RUNX1T1: variants seen among roughly 807,000 people sequenced by gnomAD.
RUNX1T1 encodes the protein protein CBFA2T1.
RUNX1T1 carries 4 observed loss-of-function variants against 62.8 expected under a neutral mutation model. The ratio of observed to expected loss-of-function variants is 0.06; its 90% CI spans 0.03 to 0.15. The LOEUF (loss-of-function observed/expected upper bound fraction) is 0.15, where lower values mean the gene tolerates loss of function less well. RUNX1T1 is among the 10% of genes least tolerant of loss of function. The pLI is 1.00. For missense variants in RUNX1T1, 508 were observed against 754.3 expected, an observed-to-expected ratio of 0.67 and a Z score of 3.82; for synonymous variants, 291 against 286.0, an observed-to-expected ratio of 1.02 and a Z score of -0.18.
intron 8 of RUNX1T1, among the ~76,000 whole-genome samples, chr8:91,978,697 A>G (rs188351927): frequency 6.6e-6 from 1 of 152,272 alleles, no homozygotes; most frequent in East Asian, 1.9e-4. Context: ...ACTTTCAAAA[A>G]TTTTACTTGA....
chr8:91,959,829 T>C (rs889701082), exon 11 of RUNX1T1: 2 of 280,878 alleles, frequency 7.1e-6, no homozygotes, highest in East Asian at 5.0e-5. Context: ...ATAAAGAACA[T>C]TGTGACTTTT....
In RUNX1T1 at chr8:92,012,325, C is replaced by T. The variant is rs2131109536; in HGVS notation, c.388-1234G>A. Reference sequence around the variant, plus strand: ...TTGGGAGGCCAAGGTGGGAGTGTCACTTGAGCCCAGGAGTTTGAGACCAGC... The same window carrying T: ...TTGGGAGGCCAAGGTGGGAGTGTCATTTGAGCCCAGGAGTTTGAGACCAGC... On this transcript the variant is annotated intron_variant, in intron 3 of 10. Transcript: ENST00000396218. Among the ~76,000 whole-genome samples the T allele has an allele frequency of 1.3e-5, 2 of 152,268 alleles. 1 individual carries two copies. The highest frequency in any genetic ancestry group is 4.1e-4 in the South Asian group (2 of 4,822).
chr8:91,977,192 C>T (rs2130718253), intron 8 of RUNX1T1: 1 of 197,832 alleles, frequency 5.1e-6, no homozygotes, highest in South Asian at 1.9e-4. Flanking sequence ...TAGATTTTCT[C>T]AACTATTCTG....
intron 5 of RUNX1T1, among the ~76,000 whole-genome samples, chr8:91,998,429 C>G (rs1169688014): frequency 6.6e-6 from 1 of 152,156 alleles, no homozygotes; most frequent in Non-Finnish European, 1.5e-5. Context: ...CACCTTTAAT[C>G]TCTCCATTGC....
Position 92,037,133 on chromosome 8 carries a change from A to G in RUNX1T1, c.8-19770T>C, listed in dbSNP as rs181131615. 2.1e-3 allele frequency among the ~76,000 whole-genome samples: 326 copies of G among 152,304 alleles called. 3 individuals carry two copies. The highest frequency in any genetic ancestry group is 3.0e-3 in the Non-Finnish European group (203 of 68,024). ...CTGGGTTGGGAGAATGGGCTACTGA[A>G]TCAGAATTACCTGAGAAATTCTGAA... On this transcript the variant is annotated intron_variant, in intron 1 of 10. Coordinates refer to ENST00000396218, the Ensembl canonical transcript of RUNX1T1.
At chr8:92,080,798 G>T (rs897501259) in intron 1 of RUNX1T1, among the ~76,000 whole-genome samples, 1 of 152,154 alleles carries the variant, frequency 6.6e-6, no homozygotes, top group African/African-American at 2.4e-5. Flanking sequence ...AATATGATCT[G>T]GTCTTTCTTC....
chr8:91,955,919 C>A (rs1809300236), downstream of RUNX1T1: 1 of 229,950 alleles, frequency 4.3e-6, no homozygotes, highest in Non-Finnish European at 8.6e-6. Context: ...AACTGGATGT[C>A]CCAGCAAGTT....
chr8:92,069,381 C>T (rs1833343789), intron 2 of RUNX1T1, among the ~76,000 whole-genome samples: 1 of 151,980 alleles, frequency 6.6e-6, no homozygotes, highest in South Asian at 2.1e-4. Context: ...TCAACAAAAT[C>T]CACCAGGTGG....
At chr8:92,036,221 A>C (rs1437683926) in intron 1 of RUNX1T1, among the ~76,000 whole-genome samples, 2 of 152,250 alleles carry the variant, frequency 1.3e-5, no homozygotes, top group African/African-American at 2.4e-5. Flanking sequence ...ATATAAATGA[A>C]AAATGTTGCT....
chr8:92,095,011 C>A lies in RUNX1T1; in HGVS notation c.-86+4569G>T, dbSNP rs1001707036. On this transcript the variant is annotated intron_variant, in intron 1 of 11. Transcript: ENST00000265814. ...AAACTAAACCCAATTAAAGATAAGG[C>A]CCTCCGGTATTCTCACCTCGGTGAG... The A allele has an allele frequency of 8.5e-6, 13 of 1,526,432 alleles. No individual in the cohort carries two copies. The African/African-American group carries it at 1.5e-4, about 18-fold the overall frequency. 94.6% of individuals were successfully genotyped at this position (1,526,432 alleles called of 1,614,324 possible).
At chr8:92,019,342 C>T (rs1823631453) in intron 1 of RUNX1T1, among the ~76,000 whole-genome samples, 1 of 151,996 alleles carries the variant, frequency 6.6e-6, no homozygotes, top group African/African-American at 2.4e-5. Flanking sequence ...AACACTCACA[C>T]GGAACTGTTA....
intron 6 of RUNX1T1, among the ~76,000 whole-genome samples, chr8:91,989,456 T>C (rs752019509): frequency 2.0e-5 from 3 of 152,228 alleles, no homozygotes; most frequent in Admixed American, 6.5e-5. Flanking sequence ...GTAAGGAACA[T>C]GGTCTGAAGA....
intron 8 of RUNX1T1, among the ~76,000 whole-genome samples, chr8:91,982,123 C>T (rs1161431486): frequency 6.6e-6 from 1 of 151,270 alleles, no homozygotes; most frequent in Non-Finnish European, 1.5e-5. Flanking sequence ...GGTGGTCTAC[C>T]TGTAGTCCCA....
At chr8:92,000,914 A>G (rs941654506) in intron 5 of RUNX1T1, among the ~76,000 whole-genome samples, 5 of 152,262 alleles carry the variant, frequency 3.3e-5, no homozygotes, top group African/African-American at 1.2e-4. Context: ...AATTCTGCAC[A>G]TTAAAACATA....
At chr8:91,995,190 AAAC>A (rs201242238) in intron 5 of RUNX1T1, among the ~76,000 whole-genome samples, 2 of 152,232 alleles carry the variant, frequency 1.3e-5, no homozygotes, top group East Asian at 1.9e-4. Context: ...ATGAAGGCAA[AAAC>A]AACAACACTG....
chr8:92,048,305 G>A (rs983879113), intron 1 of RUNX1T1, among the ~76,000 whole-genome samples: 2 of 152,132 alleles, frequency 1.3e-5, no homozygotes, highest in Admixed American at 6.6e-5. Context: ...AGGAAAAAGT[G>A]TGTCAGATCA....
At chr8:91,984,902 AG>A (rs1816226584) in intron 8 of RUNX1T1, among the ~76,000 whole-genome samples, 1 of 152,214 alleles carries the variant, frequency 6.6e-6, no homozygotes, top group Non-Finnish European at 1.5e-5. Flanking sequence ...AATGCTTGTT[AG>A]GTAAATTAAC....
chr8:91,991,835 C>T, exon 6 of RUNX1T1: 2 of 1,614,084 alleles, frequency 1.2e-6, no homozygotes, highest in South Asian at 1.1e-5. Flanking sequence ...TGCATGGTCG[C>T]TTGCTTGGAT....
At chr8:92,095,706 T>C in intron 1 of RUNX1T1, 1 of 660,832 alleles carries the variant, frequency 1.5e-6, no homozygotes, top group Non-Finnish European at 2.3e-6. Flanking sequence ...GGGCGGGGGC[T>C]CAGACCCCAG....
Sources: gnomAD v4.1 joint callset for allele counts (sites outside exome capture counted in the v4.1 genomes callset) on GRCh38, gnomAD v4.1.1 for gene constraint, MANE v1.5 for transcripts, NCBI Gene and HGNC (gene_info 2026-07-23, HGNC 2026-07-21) for gene names.